The following GIGYF2 variants were observed in gnomAD, a reference collection of about 807,000 sequenced individuals.
GIGYF2 encodes the protein GRB10 interacting GYF protein 2.
A neutral mutation model predicts 208.1 loss-of-function variants in GIGYF2; 25 were observed. That is an observed-to-expected ratio of 0.12 (90% CI 0.09 to 0.17). The LOEUF is 0.17. Ranked by LOEUF, GIGYF2 falls within the 10% of genes least tolerant of loss-of-function variation. The pLI is 1.00. For missense variants in GIGYF2, 1,302 were observed against 1,579.4 expected (o/e 0.82, Z 2.98); for synonymous variants, 534 against 543.8 (o/e 0.98, Z 0.25).
At chr2:232,723,076 C>T (rs1035126874) in intron 2 of GIGYF2, among the ~76,000 whole-genome samples, 1 of 152,152 alleles carries the variant, frequency 6.6e-6, no homozygotes, top group Admixed American at 6.5e-5. Flanking sequence ...CCTACCTCAG[C>T]GTCAGTGCTG....
At position 232,768,611 on chromosome 2, in the gene GIGYF2, A is replaced by G. The variant is rs754198197; in HGVS notation, c.532+7175A>G. ...TGATGCCATCAAGGTGGAAATCCAC[A>G]CTGGTCTGGTAGAGTTTGCCATTTT... On this transcript the variant is annotated intron_variant, in intron 8 of 28. Coordinates refer to ENST00000373563, the MANE Select transcript of GIGYF2 (RefSeq NM_001103146.3). 6.8e-6 allele frequency: 11 copies of G among 1,614,052 alleles called. No homozygotes were observed. In the South Asian group the frequency reaches 1.1e-4, roughly 16 times the overall value.
chr2:232,712,544 A>G (rs779846480), intron 2 of GIGYF2, among the ~76,000 whole-genome samples: 3 of 152,216 alleles, frequency 2.0e-5, no homozygotes, highest in Non-Finnish European at 2.9e-5. Flanking sequence ...CAGTCATGCT[A>G]TAGTGCCAGC....
chr2:232,750,043 A>G (rs1405045036), intron 5 of GIGYF2, among the ~76,000 whole-genome samples: 1 of 152,008 alleles, frequency 6.6e-6, no homozygotes, highest in African/African-American at 2.4e-5. Context: ...AAATTAGCCG[A>G]GCATGGTGAC....
chr2:232,760,357 A>G lies in GIGYF2; in HGVS notation c.380-123A>G, dbSNP rs1698701735. ...AAGTCAAGATCATCAGGCCTCGTTC[A>G]GTATTTAAATGTAGATGTCCTGCCT... On this transcript the variant is annotated intron_variant, in intron 6 of 28. Transcript: ENST00000373563. The G allele has an allele frequency of 4.2e-6, 3 of 713,960 alleles. No homozygotes were observed. The Admixed American group carries it at 6.1e-5, about 15-fold the overall frequency. The allele number at this position is 713,960 out of a possible 1,614,324, so 44.2% of individuals were successfully genotyped here.
intron 5 of GIGYF2, among the ~76,000 whole-genome samples, chr2:232,755,377 G>A (rs1171885469): frequency 6.6e-6 from 1 of 152,040 alleles, no homozygotes; most frequent in Non-Finnish European, 1.5e-5. Flanking sequence ...CACCATCTTG[G>A]CCAGGCTAGT....
At chr2:232,790,575 T>C (rs1401316128) in intron 9 of GIGYF2, 123 bp from the exon 10 acceptor site, 3 of 817,302 alleles carry the variant, frequency 3.7e-6, no homozygotes, top group Non-Finnish European at 6.5e-6. Flanking sequence ...TTCTCTTTAC[T>C]AGGTCAGTCC....
At chr2:232,804,330 G>C (rs2674839) in intron 14 of GIGYF2, among the ~76,000 whole-genome samples, 47,674 of 148,098 alleles carry the variant, frequency 0.32, 7,917 homozygotes, top group South Asian at 0.63. Context: ...TCAGTGTTGC[G>C]TAGTTTTCAG....
Position 232,850,354 on chromosome 2 carries a change from G to C in GIGYF2, c.3777G>C (p.Gln1259His). 6.2e-7 allele frequency: 1 copy of C among 1,614,150 alleles called. No individual in the cohort carries two copies. Among genetic ancestry groups the C allele is most frequent in the African/African-American group, 1.3e-5 (1 of 75,046 alleles). Residue 1259 changes from glutamine to histidine, a missense_variant, in exon 28 of 29, where the codon CAG (glutamine) becomes CAC (histidine). Transcript: ENST00000373563. ...AACAATCCAATTTTGAGGCTGTGCAGAGTGGCAAGAAGAAGAAAAAGCAGA... is the reference window on the plus strand; with the variant it reads ...AACAATCCAATTTTGAGGCTGTGCACAGTGGCAAGAAGAAGAAAAAGCAGA... ...NNQQSNFEAV[Q>H]SGKKKKKQKM...
At chr2:232,825,916 C>T (rs1021890489) in intron 21 of GIGYF2, among the ~76,000 whole-genome samples, 1 of 146,988 alleles carries the variant, frequency 6.8e-6, no homozygotes, top group Non-Finnish European at 1.5e-5. Flanking sequence ...CATGTGTTCT[C>T]ATTGTTCAAC....
Position 232,839,964 on chromosome 2 carries a change from G to A in GIGYF2, c.2882G>A (p.Arg961Gln), listed in dbSNP as rs146430802. The change falls in exon 23 of 29, where the codon CGA becomes CAA. Residue 961 changes from arginine to glutamine, a missense_variant. Coordinates refer to ENST00000373563, the MANE Select transcript of GIGYF2 (RefSeq NM_001103146.3). ...KLEEERERQL[R>Q]EEQRRQQREL... ...GAGGAAGAACGAGAACGGCAGCTTC[G>A]AGAAGAGGTAAAATTTTAAAGTAAA... is the stretch of plus-strand genomic sequence containing the variant. 7.2e-4 allele frequency: 1,159 copies of A among 1,613,952 alleles called. 1 individual carries two copies. Among genetic ancestry groups the A allele is most frequent in the Middle Eastern group, 2.5e-3 (15 of 6,060 alleles).
chr2:232,714,751 G>A (rs546855154), intron 2 of GIGYF2, among the ~76,000 whole-genome samples: 1 of 151,462 alleles, frequency 6.6e-6, no homozygotes, highest in East Asian at 1.9e-4. Flanking sequence ...GCGTCTTCTA[G>A]AAATTCATGT....
intron 21 of GIGYF2, among the ~76,000 whole-genome samples, chr2:232,822,606 G>A (rs754211016): frequency 2.0e-5 from 3 of 152,202 alleles, no homozygotes; most frequent in East Asian, 1.9e-4. Flanking sequence ...GCTTGAACGC[G>A]GGAGGCGGAG....
At chr2:232,802,538 A>G (rs545440574) in intron 14 of GIGYF2, among the ~76,000 whole-genome samples, 3 of 152,200 alleles carry the variant, frequency 2.0e-5, no homozygotes, top group East Asian at 1.9e-4. Flanking sequence ...ACATTGATCA[A>G]TTTTCATATA....
intron 3 of GIGYF2, among the ~76,000 whole-genome samples, chr2:232,746,837 C>T (rs1329255402): frequency 1.3e-5 from 2 of 152,062 alleles, no homozygotes; most frequent in East Asian, 1.9e-4. Flanking sequence ...GTGATAAACA[C>T]CCATGTATTC....
At chr2:232,794,668 C>A in intron 12 of GIGYF2, 80 bp from the exon 13 acceptor site, 1 of 1,078,402 alleles carries the variant, frequency 9.3e-7, no homozygotes, top group Non-Finnish European at 1.4e-6. Context: ...ATTTAGCAGG[C>A]TGTGCGACTT....
chr2:232,759,311 G>A (rs976775826), intron 6 of GIGYF2, among the ~76,000 whole-genome samples: 6 of 152,056 alleles, frequency 3.9e-5, no homozygotes, highest in South Asian at 4.1e-4. Flanking sequence ...AGCTAGGGAC[G>A]ATGGCTAAGA....
Position 232,854,161 on chromosome 2 carries a change from G to A in GIGYF2, c.3833-2632G>A, listed in dbSNP as rs527530267. Among the ~76,000 whole-genome samples the A allele has an allele frequency of 5.9e-5, 9 of 152,284 alleles. No homozygotes were observed. The East Asian group carries it at 1.5e-3, about 26-fold the overall frequency. On this transcript the variant is annotated intron_variant, in intron 28 of 28. Transcript: ENST00000373563. ...ATTTTATTTCATAGACTGGCCTTTA[G>A]GTTCTTGTACTTGCCTAATTAACTG...
In GIGYF2 at chr2:232,859,152, ACT is replaced by A. The variant is rs1690683367; in HGVS notation, c.*2297_*2298del. 1 of 151,312 alleles carries A rather than the reference ACT, an allele frequency of 6.6e-6. No individual in the cohort carries two copies. The highest frequency in any genetic ancestry group is 2.4e-5 in the African/African-American group (1 of 41,112). The allele number at this position is 151,312 out of a possible 1,614,324, so 9.4% of individuals were successfully genotyped here. ...GTTTGTTTCTGTCTCTCTCAATGCT[ACT>A]CTCTTTCATATTCTCATTTGCTCAC... On this transcript the variant is annotated 3_prime_UTR_variant, in exon 29 of 29. Transcript: ENST00000373563.
intron 8 of GIGYF2, chr2:232,771,406 C>A: frequency 1.4e-6 from 2 of 1,403,202 alleles, no homozygotes; most frequent in South Asian, 1.2e-5. Context: ...TTAGTAAGCT[C>A]TTAACTGTTT....
Sources: gnomAD v4.1 joint callset for allele counts (sites outside exome capture counted in the v4.1 genomes callset) on GRCh38, gnomAD v4.1.1 for gene constraint, MANE v1.5 for transcripts, NCBI Gene and HGNC (gene_info 2026-07-23, HGNC 2026-07-21) for gene names.